The following DCAF1 variants were observed in gnomAD, a reference collection of about 807,000 sequenced individuals.
DCAF1 encodes DDB1 and CUL4 associated factor 1.
A neutral mutation model predicts 128.0 loss-of-function variants in DCAF1; 15 were observed. The ratio of observed to expected loss-of-function variants is 0.12; its 90% CI spans 0.08 to 0.18. The LOEUF (loss-of-function observed/expected upper bound fraction) is 0.18, where lower values mean the gene tolerates loss of function less well. Among genes scored for constraint, DCAF1 ranks in the 10% least tolerant of loss-of-function variants. The probability of loss-of-function intolerance (pLI) is 1.00; values close to 1 mark genes in which losing one functional copy is unlikely to be tolerated. For missense variants in DCAF1, 988 were observed against 1,649.5 expected, an observed-to-expected ratio of 0.60 and a Z score of 6.95; for synonymous variants, 610 against 603.0, an observed-to-expected ratio of 1.01 and a Z score of -0.17.
At chr3:51,489,794 A>C (rs1707407009) in intron 2 of DCAF1, among the ~76,000 whole-genome samples, 2 of 143,020 alleles carry the variant, frequency 1.4e-5, no homozygotes, top group Admixed American at 1.5e-4. Flanking sequence ...TCAAAAAAAA[A>C]AAAAAAGTGT....
chr3:51,405,178 T>C (rs567050818), intron 23 of DCAF1, among the ~76,000 whole-genome samples: 2 of 152,338 alleles, frequency 1.3e-5, no homozygotes, highest in South Asian at 2.1e-4. Context: ...AAATTTAAGA[T>C]AGCACAACTA....
chr3:51,464,599 G>A (rs1447998904), intron 5 of DCAF1, among the ~76,000 whole-genome samples: 1 of 151,956 alleles, frequency 6.6e-6, no homozygotes, highest in Non-Finnish European at 1.5e-5. Flanking sequence ...AGGAGGCTGA[G>A]GCAGGAGAAT....
rs2089324406 is a variant in DCAF1 at position 51,397,957 on chromosome 3, G to C, written c.*812C>G. On this transcript the variant is annotated 3_prime_UTR_variant, in exon 25 of 25. Coordinates refer to ENST00000684031, the MANE Select transcript of DCAF1 (RefSeq NM_001387579.1). The stretch of plus-strand genomic sequence containing the variant: ...AATGGGGAGAAAGGGAAGAAAAAAA[G>C]ATTTTTGAAAAACTGAATCACAAAG... 1 of 166,466 alleles carries C rather than the reference G, an allele frequency of 6.0e-6. No homozygotes were observed. The highest frequency in any genetic ancestry group is 1.5e-5 in the Non-Finnish European group (1 of 68,084). The allele number at this position is 166,466 out of a possible 1,614,324, so 10.3% of individuals were successfully genotyped here.
chr3:51,485,362 G>A (rs189100956), intron 2 of DCAF1, among the ~76,000 whole-genome samples: 2 of 152,220 alleles, frequency 1.3e-5, no homozygotes, highest in Non-Finnish European at 2.9e-5. Context: ...GGCTAGAAGA[G>A]AGGCAGAGAA....
intron 24 of DCAF1, among the ~76,000 whole-genome samples, chr3:51,402,260 G>C (rs2089757589): frequency 2.0e-5 from 3 of 152,138 alleles, no homozygotes; most frequent in African/African-American, 7.2e-5. Flanking sequence ...GACAGGAAAG[G>C]GCTCCTCCAC....
chr3:51,413,847 G>C (rs1553629393), intron 20 of DCAF1, 103 bp downstream of exon 20: 1 of 1,270,876 alleles, frequency 7.9e-7, no homozygotes, highest in Non-Finnish European at 1.0e-6. Flanking sequence ...ACTCTCAAAT[G>C]CTTTCCAATT....
chr3:51,482,764 C>CAA (rs797042469), intron 3 of DCAF1, among the ~76,000 whole-genome samples: 47 of 29,554 alleles, frequency 1.6e-3, no homozygotes, highest in African/African-American at 1.7e-3. Flanking sequence ...CACTCCATCT[C>CAA]AAAAAAAAAA....
intron 6 of DCAF1, among the ~76,000 whole-genome samples, chr3:51,458,871 A>G (rs1416653801): frequency 5.3e-5 from 8 of 152,224 alleles, no homozygotes; most frequent in African/African-American, 1.9e-4. Context: ...ACCAATGAGA[A>G]CAAAGACAAA....
intron 2 of DCAF1, among the ~76,000 whole-genome samples, chr3:51,489,003 C>T (rs577144372): frequency 1.3e-5 from 2 of 152,224 alleles, no homozygotes; most frequent in South Asian, 2.1e-4. Context: ...AAACTAGGAA[C>T]GGAAGAGACC....
chr3:51,482,131 G>A (rs782765674), intron 3 of DCAF1, among the ~76,000 whole-genome samples: 2 of 151,890 alleles, frequency 1.3e-5, no homozygotes, highest in Non-Finnish European at 2.9e-5. Flanking sequence ...TTTTGGACAT[G>A]GTCTGTTTCA....
intron 6 of DCAF1, among the ~76,000 whole-genome samples, chr3:51,446,996 T>TAATAATAATAATAAC (rs1701931387): frequency 6.8e-6 from 1 of 148,074 alleles, no homozygotes; most frequent in African/African-American, 2.5e-5. Flanking sequence ...ATAATAATAA[T>TAATAATAATAATAAC]AATAAAATGT....
At chr3:51,492,119 A>G (rs1707724167) in intron 2 of DCAF1, among the ~76,000 whole-genome samples, 2 of 151,110 alleles carry the variant, frequency 1.3e-5, no homozygotes, top group African/African-American at 4.9e-5. Context: ...AGACTGCACC[A>G]CTGCACTCTA....
chr3:51,458,397 C>A (rs1553643534), intron 6 of DCAF1, among the ~76,000 whole-genome samples: 1 of 152,098 alleles, frequency 6.6e-6, no homozygotes, highest in Non-Finnish European at 1.5e-5. Context: ...AATACAGGAG[C>A]ACCCAGATTC....
At chr3:51,497,837 G>A (rs1708395347) in intron 1 of DCAF1, among the ~76,000 whole-genome samples, 1 of 151,806 alleles carries the variant, frequency 6.6e-6, no homozygotes, top group Non-Finnish European at 1.5e-5. Flanking sequence ...AATGAGTTAT[G>A]ATGACACTCG....
intron 3 of DCAF1, among the ~76,000 whole-genome samples, chr3:51,476,660 G>A (rs1379952543): frequency 3.4e-5 from 5 of 148,462 alleles, no homozygotes; most frequent in African/African-American, 1.2e-4. Context: ...GGCAGATCAC[G>A]AGATCAGAAG....
intron 6 of DCAF1, among the ~76,000 whole-genome samples, chr3:51,459,035 G>A (rs1369685496): frequency 6.6e-6 from 1 of 152,112 alleles, no homozygotes; most frequent in Non-Finnish European, 1.5e-5. Context: ...ACATTCAAAA[G>A]CTAGCAGAAG....
At chr3:51,436,232 G>A (rs1267895061) in intron 9 of DCAF1, among the ~76,000 whole-genome samples, 2 of 152,198 alleles carry the variant, frequency 1.3e-5, no homozygotes, top group African/African-American at 4.8e-5. Context: ...AGAGGGGTAA[G>A]AACACTGCTG....
At chr3:51,475,926 T>C (rs782353598) in intron 3 of DCAF1, among the ~76,000 whole-genome samples, 1 of 152,020 alleles carries the variant, frequency 6.6e-6, no homozygotes, top group African/African-American at 2.4e-5. Context: ...TCTTCCACAG[T>C]GTGAGACACT....
intron 6 of DCAF1, among the ~76,000 whole-genome samples, chr3:51,457,164 A>G (rs1553643078): frequency 6.6e-6 from 1 of 151,674 alleles, no homozygotes; most frequent in African/African-American, 2.4e-5. Context: ...AAAAGCTTTG[A>G]AAAAAAATTA....
Sources: gnomAD v4.1 joint callset for allele counts (sites outside exome capture counted in the v4.1 genomes callset) on GRCh38, gnomAD v4.1.1 for gene constraint, MANE v1.5 for transcripts, NCBI Gene and HGNC (gene_info 2026-07-23, HGNC 2026-07-21) for gene names.